The following ANKS1B variants were observed in gnomAD, a reference collection of about 807,000 sequenced individuals.
ANKS1B encodes ankyrin repeat and sterile alpha motif domain containing 1B, also known as ankyrin repeat and sterile alpha motif domain-containing protein 1B.
In ANKS1B, 36 loss-of-function variants were observed where a neutral mutation model predicts 148.3. The ratio of observed to expected loss-of-function variants is 0.24; its 90% CI spans 0.19 to 0.32. The LOEUF (loss-of-function observed/expected upper bound fraction) is 0.32. Ranked by LOEUF, ANKS1B falls within the 10% of genes least tolerant of loss-of-function variation. The probability of loss-of-function intolerance (pLI) is 1.00; values close to 1 mark genes in which losing one functional copy is unlikely to be tolerated. For synonymous variants in ANKS1B, 542 were observed against 560.8 expected (o/e 0.97, Z 0.47); for missense variants, 1,157 against 1,542.6 (o/e 0.75, Z 4.19).
At chr12:99,410,009 G>A (rs949337470) in intron 11 of ANKS1B, among the ~76,000 whole-genome samples, 22 of 152,152 alleles carry the variant, frequency 1.4e-4, no homozygotes, top group African/African-American at 5.3e-4. Context: ...CAGAGGACTT[G>A]CTTCTATACA....
chr12:98,936,752 AT>A (rs1236384999), intron 17 of ANKS1B, among the ~76,000 whole-genome samples: 4 of 152,122 alleles, frequency 2.6e-5, no homozygotes, highest in Non-Finnish European at 5.9e-5. Flanking sequence ...TCTTAAGTCA[AT>A]TTAATCCCAG....
At chr12:99,481,892 G>GT (rs1361539473) in intron 10 of ANKS1B, among the ~76,000 whole-genome samples, 1 of 150,484 alleles carries the variant, frequency 6.6e-6, no homozygotes, top group African/African-American at 2.4e-5. Context: ...TTTGTTTTTT[G>GT]TTTTTTCTGA....
At chr12:99,983,070 T>C (rs1190047229) in intron 1 of ANKS1B, among the ~76,000 whole-genome samples, 1 of 152,204 alleles carries the variant, frequency 6.6e-6, no homozygotes, top group African/African-American at 2.4e-5. Flanking sequence ...TCACTTGGGC[T>C]TTCTAAAATT....
intron 11 of ANKS1B, among the ~76,000 whole-genome samples, chr12:99,418,433 TA>T (rs1331392212): frequency 6.6e-6 from 1 of 152,208 alleles, no homozygotes; most frequent in African/African-American, 2.4e-5. Flanking sequence ...TATATGTTCA[TA>T]ACTAGTTCAC....
intron 12 of ANKS1B, among the ~76,000 whole-genome samples, chr12:99,282,654 A>G (rs1207558351): frequency 1.3e-5 from 2 of 152,174 alleles, no homozygotes; most frequent in Non-Finnish European, 2.9e-5. Context: ...TAGAACTAAC[A>G]AGATTTACTG....
chr12:99,355,297 T>C (rs1404503951), intron 12 of ANKS1B, among the ~76,000 whole-genome samples: 1 of 152,134 alleles, frequency 6.6e-6, no homozygotes, highest in Non-Finnish European at 1.5e-5. Context: ...GCTAGAATTA[T>C]TTCCTTGGCT....
At chr12:99,821,480 A>C (rs978522561) in intron 2 of ANKS1B, among the ~76,000 whole-genome samples, 1 of 152,028 alleles carries the variant, frequency 6.6e-6, no homozygotes, top group Non-Finnish European at 1.5e-5. Flanking sequence ...CAAAAAAAAA[A>C]AAAATTATGC....
At chr12:99,205,347 T>C (rs2082533655) in intron 14 of ANKS1B, among the ~76,000 whole-genome samples, 1 of 152,216 alleles carries the variant, frequency 6.6e-6, no homozygotes, top group Admixed American at 6.5e-5. Flanking sequence ...GCTCACCTCA[T>C]CATAATGGTC....
chr12:99,432,813 G>A (rs2095399095), intron 11 of ANKS1B, among the ~76,000 whole-genome samples: 1 of 152,178 alleles, frequency 6.6e-6, no homozygotes, highest in Admixed American at 6.5e-5. Flanking sequence ...GGCAGGAGCT[G>A]TTTGGCTAAT....
intron 1 of ANKS1B, among the ~76,000 whole-genome samples, chr12:99,902,070 G>A (rs1010788818): frequency 6.6e-6 from 1 of 152,192 alleles, no homozygotes; most frequent in Non-Finnish European, 1.5e-5. Context: ...ACCAACAAGA[G>A]AGGTGCAGAT....
At chr12:99,787,486 C>A (rs979206345) in intron 4 of ANKS1B, among the ~76,000 whole-genome samples, 3 of 152,070 alleles carry the variant, frequency 2.0e-5, no homozygotes, top group African/African-American at 7.2e-5. Context: ...AGGAGACATA[C>A]TAATAGGAGA....
chr12:99,368,330 C>A (rs1402567860), intron 12 of ANKS1B, among the ~76,000 whole-genome samples: 1 of 151,920 alleles, frequency 6.6e-6, no homozygotes, highest in Non-Finnish European at 1.5e-5. Context: ...GAGCATTATG[C>A]AATATAGCCA....
chr12:99,473,312 CAT>C (rs1303060961), intron 10 of ANKS1B, among the ~76,000 whole-genome samples: 28 of 151,950 alleles, frequency 1.8e-4, no homozygotes, highest in Admixed American at 2.0e-4. Context: ...TTAACTAATA[CAT>C]AGTGTTCCAT....
intron 17 of ANKS1B, among the ~76,000 whole-genome samples, chr12:98,899,854 G>T (rs767224676): frequency 5.3e-5 from 8 of 152,104 alleles, no homozygotes; most frequent in Non-Finnish European, 1.0e-4. Context: ...CACATTTATA[G>T]CACTGAGGTA....
intron 19 of ANKS1B, among the ~76,000 whole-genome samples, chr12:98,816,982 G>T (rs550376048): frequency 6.6e-6 from 1 of 150,934 alleles, no homozygotes; most frequent in African/African-American, 2.4e-5. Context: ...ATTTTCTGCC[G>T]TGTTCTAGCC....
chr12:99,703,309 A>G (rs998744675), intron 8 of ANKS1B, among the ~76,000 whole-genome samples: 1 of 152,248 alleles, frequency 6.6e-6, no homozygotes, highest in South Asian at 2.1e-4. Flanking sequence ...ATTGACTCTG[A>G]TACTACTGTT....
At position 99,117,406 on chromosome 12, in the gene ANKS1B, AG is replaced by A. The variant is rs200166616; in HGVS notation, c.2527-32384del. ...CTAGCTTATTGAGTTTTTAGCATGA[AG>A]GGCTGTTGAATTTTGTTGAAGGCCT... On this transcript the variant is annotated intron_variant, in intron 15 of 26. Coordinates refer to ENST00000683438, the MANE Select transcript of ANKS1B (RefSeq NM_001352186.2). Among the ~76,000 whole-genome samples, 729 of 152,314 alleles carry A rather than the reference AG, an allele frequency of 4.8e-3. 9 individuals carry two copies. Among genetic ancestry groups the A allele is most frequent in the African/African-American group, 0.016 (674 of 41,570 alleles).
chr12:99,942,654 A>C (rs1445296473), intron 1 of ANKS1B, among the ~76,000 whole-genome samples: 6 of 152,178 alleles, frequency 3.9e-5, no homozygotes, highest in Non-Finnish European at 8.8e-5. Flanking sequence ...GGCATAAATC[A>C]AAGATGCATA....
intron 17 of ANKS1B, among the ~76,000 whole-genome samples, chr12:98,875,763 G>T (rs1053129849): frequency 2.6e-5 from 4 of 152,142 alleles, no homozygotes; most frequent in African/African-American, 9.7e-5. Flanking sequence ...ATCAGGGACT[G>T]TGTCTACTGG....
Sources: allele counts gnomAD v4.1 joint callset (sites outside exome capture counted in the v4.1 genomes callset), GRCh38; gene constraint gnomAD v4.1.1; transcripts MANE v1.5; gene names NCBI Gene and HGNC (gene_info 2026-07-23, HGNC 2026-07-21).